Variants in PVT1 observed in about 807,000 individuals in gnomAD.
The protein encoded by PVT1 is Pvt1 oncogene, also known as CXCR4/PVT1 fusion.
At chr8:127,915,422 G>T (rs1216941915) in intron 3 of PVT1, among the ~76,000 whole-genome samples, 2 of 151,520 alleles carry the variant, frequency 1.3e-5, no homozygotes, top group Non-Finnish European at 2.9e-5. Flanking sequence ...AGACCAGCCT[G>T]ACCAACATGG....
At chr8:127,999,659 A>G (rs1006745537) in intron 4 of PVT1, among the ~76,000 whole-genome samples, 7 of 152,132 alleles carry the variant, frequency 4.6e-5, no homozygotes, top group Non-Finnish European at 7.4e-5. Context: ...ACGGGGTTTC[A>G]CCATGTTGGC....
Position 127,868,785 on chromosome 8 carries a change from A to ACG in PVT1, n.373-21804_373-21803insCG, listed in dbSNP as rs1306983733. Among the ~76,000 whole-genome samples the ACG allele has an allele frequency of 2.7e-3, 313 of 114,128 alleles. 4 individuals carry two copies. The highest frequency in any genetic ancestry group is 4.2e-3 in the African/African-American group (106 of 25,094). 74.9% of individuals were successfully genotyped at this position (114,128 alleles called of 152,430 possible). Reference sequence around the variant, plus strand: ...TTCCTTTTAACATATATATATATATATATATATACATATATATGTACATAT... The same window carrying ACG: ...TTCCTTTTAACATATATATATATATACGTATATATACATATATATGTACATAT... On this transcript the variant is annotated intron_variant and non_coding_transcript_variant, in intron 2 of 10. Coordinates refer to ENST00000651587, the Ensembl canonical transcript of PVT1.
intron 3 of PVT1, among the ~76,000 whole-genome samples, chr8:127,911,997 G>A (rs1815904441): frequency 6.6e-6 from 1 of 152,190 alleles, no homozygotes; most frequent in African/African-American, 2.4e-5. Context: ...GATGGGGAGA[G>A]GGCAGCAGAG....
intron 2 of PVT1, among the ~76,000 whole-genome samples, chr8:127,877,032 G>A (rs1488267618): frequency 6.6e-6 from 1 of 152,220 alleles, no homozygotes; most frequent in Non-Finnish European, 1.5e-5. Flanking sequence ...TTGGAACAAA[G>A]GTGGTGCTTA....
chr8:127,876,420 T>A (rs961963105), intron 2 of PVT1, among the ~76,000 whole-genome samples: 3 of 148,840 alleles, frequency 2.0e-5, no homozygotes, highest in African/African-American at 2.6e-5. Context: ...TTTATTTTTT[T>A]AATTATTTTA....
At chr8:127,937,310 C>T (rs190337750) in intron 3 of PVT1, among the ~76,000 whole-genome samples, 98 of 151,648 alleles carry the variant, frequency 6.5e-4, no homozygotes, top group Admixed American at 5.0e-3. Flanking sequence ...TGCAGTGGCA[C>T]GATCTTGGCT....
At chr8:127,899,990 T>C (rs1206219076) in intron 3 of PVT1, among the ~76,000 whole-genome samples, 7 of 152,248 alleles carry the variant, frequency 4.6e-5, no homozygotes, top group African/African-American at 7.2e-5. Context: ...TGAGGTGGCA[T>C]GCTTTGCTTT....
chr8:128,075,654 A>C (rs1814078734), intron 5 of PVT1, among the ~76,000 whole-genome samples: 1 of 152,314 alleles, frequency 6.6e-6, no homozygotes, highest in Admixed American at 6.5e-5. Flanking sequence ...ATACGCATGC[A>C]CATATACACA....
At chr8:127,918,497 A>G (rs113438154) in intron 3 of PVT1, among the ~76,000 whole-genome samples, 3 of 152,344 alleles carry the variant, frequency 2.0e-5, no homozygotes, top group African/African-American at 7.2e-5. Context: ...TGGAACCACT[A>G]GGCCCTCAGG....
At chr8:128,035,420 T>C (rs1459883372) in intron 4 of PVT1, among the ~76,000 whole-genome samples, 1 of 152,226 alleles carries the variant, frequency 6.6e-6, no homozygotes, top group East Asian at 1.9e-4. Context: ...CCCATCTGTC[T>C]CTGCTCTCAC....
chr8:127,894,059 T>C (rs1259974030), intron 3 of PVT1, among the ~76,000 whole-genome samples: 2 of 152,238 alleles, frequency 1.3e-5, no homozygotes, highest in African/African-American at 4.8e-5. Flanking sequence ...AGAAGAGCCC[T>C]GTTATCCCTG....
chr8:127,874,554 G>A (rs1362482231), intron 2 of PVT1, among the ~76,000 whole-genome samples: 7 of 152,142 alleles, frequency 4.6e-5, no homozygotes, highest in African/African-American at 1.2e-4. Flanking sequence ...TGTAACACAA[G>A]TATGAGACTG....
chr8:128,027,578 G>T (rs1400162122), intron 4 of PVT1, among the ~76,000 whole-genome samples: 2 of 152,192 alleles, frequency 1.3e-5, no homozygotes, highest in African/African-American at 4.8e-5. Context: ...TCACCAGGGA[G>T]CCCAGGCATC....
chr8:128,093,076 T>C (rs1450633904), intron 5 of PVT1, among the ~76,000 whole-genome samples: 6 of 152,224 alleles, frequency 3.9e-5, no homozygotes, highest in Admixed American at 2.6e-4. Flanking sequence ...CTTTCTTTTT[T>C]GATCTTTTCA....
chr8:127,832,462 C>T (rs1315151239), intron 2 of PVT1, among the ~76,000 whole-genome samples: 2 of 152,192 alleles, frequency 1.3e-5, no homozygotes, highest in African/African-American at 4.8e-5. Flanking sequence ...TAATGTCATG[C>T]CTGGTTCAGC....
intron 3 of PVT1, among the ~76,000 whole-genome samples, chr8:127,963,396 G>T (rs140003656): frequency 6.6e-6 from 1 of 152,128 alleles, no homozygotes; most frequent in Non-Finnish European, 1.5e-5. Context: ...TGGTGCATGG[G>T]TGAGTGTGGT....
rs1038057609 is a variant in PVT1 at position 127,937,073 on chromosome 8, G to A, written n.782+46075G>A. 7.2e-5 allele frequency among the ~76,000 whole-genome samples: 11 copies of A among 152,338 alleles called. No individual in the cohort carries two copies. In the South Asian group the frequency reaches 2.3e-3, roughly 32 times the overall value. On this transcript the variant is annotated intron_variant and non_coding_transcript_variant, in intron 3 of 10. Transcript: ENST00000651587. ...CCAAGTCACCTAACCCCTCGGGCTT[G>A]CAGCCCGCATCATCCACTGGGTGAT... is the stretch of plus-strand genomic sequence containing the variant.
chr8:127,865,644 C>A (rs1429187163), intron 2 of PVT1, among the ~76,000 whole-genome samples: 2 of 152,210 alleles, frequency 1.3e-5, no homozygotes, highest in Non-Finnish European at 1.5e-5. Flanking sequence ...TCCCCCAGAG[C>A]CTCCAGGAAG....
In PVT1 at chr8:127,823,943, A is replaced by G. The variant is rs552348391; in HGVS notation, n.372+27872A>G. 2.0e-5 allele frequency among the ~76,000 whole-genome samples: 3 copies of G among 152,318 alleles called. No individual in the cohort carries two copies. In the South Asian group the frequency reaches 6.2e-4, roughly 32 times the overall value. On this transcript the variant is annotated intron_variant and non_coding_transcript_variant, in intron 2 of 10. Coordinates refer to ENST00000651587, the Ensembl canonical transcript of PVT1. ...TGAGGTGGCTCACGCCTGTAATCCC[A>G]GCAGTTCAGGAGGCTGAGGCGGGAG...
Sources: gnomAD v4.1 joint callset for allele counts (sites outside exome capture counted in the v4.1 genomes callset) on GRCh38, gnomAD v4.1.1 for gene constraint, MANE v1.5 for transcripts, NCBI Gene and HGNC (gene_info 2026-07-23, HGNC 2026-07-21) for gene names.